Variants in S100A7A observed in about 807,000 individuals in gnomAD.
The protein encoded by S100A7A is protein S100-A7A.
Under a neutral mutation model 4.0 loss-of-function variants are expected in S100A7A, and 5 were observed. That is an observed-to-expected ratio of 1.26 (90% CI 0.66 to 2.66). The LOEUF is 2.66. Among genes scored for constraint, S100A7A ranks in the 30% most tolerant of loss-of-function variants. S100A7A has a pLI of 0.01. For missense variants in S100A7A, 159 were observed against 125.1 expected (o/e 1.27, Z -1.29); for synonymous variants, 52 against 46.4 (o/e 1.12, Z -0.49).
At chr1:153,418,503 C>A (rs1380773180) in intron 2 of S100A7A, among the ~76,000 whole-genome samples, 1 of 152,002 alleles carries the variant, frequency 6.6e-6, no homozygotes, top group Non-Finnish European at 1.5e-5. Flanking sequence ...GCTCACTGAC[C>A]CTCTCTCTGT....
In S100A7A at chr1:153,419,230, T is replaced by C; in HGVS notation, c.227T>C (p.Leu76Pro). The C allele has an allele frequency of 6.2e-7, 1 of 1,614,238 alleles. No homozygotes were observed. Among genetic ancestry groups the C allele is most frequent in the Non-Finnish European group, 8.5e-7 (1 of 1,180,050 alleles). Residue 76 changes from leucine to proline, a missense_variant, in exon 3 of 3, where the codon CTG (leucine) becomes CCG (proline). Transcript: ENST00000368729. ...EDKKIDFSEFLSLLGDIAADY... is the reference protein window; with the variant it reads ...EDKKIDFSEFPSLLGDIAADY... The stretch of plus-strand genomic sequence containing the variant: ...AAGAAGATTGATTTTTCTGAGTTTC[T>C]GTCCTTGCTGGGAGACATAGCCGCA...
At chr1:153,417,215 T>C (rs1402050621) in intron 1 of S100A7A, 1 of 152,284 alleles carries the variant, frequency 6.6e-6, no homozygotes, top group African/African-American at 2.4e-5. Context: ...CACTGTCTTA[T>C]TTTTCAGGCT....
Position 153,422,486 on chromosome 1 carries a change from AG to A in S100A7A, c.*3178del, listed in dbSNP as rs1227651219. ...GACATTATATTGGTACTAAAGAGAA[AG>A]AATACTTGACAGCTCTATGCCCACA... On this transcript the variant is annotated 3_prime_UTR_variant, in exon 3 of 3. Coordinates refer to ENST00000368729, the MANE Select transcript of S100A7A (RefSeq NM_176823.4). 1 of 982,494 alleles carries A rather than the reference AG, an allele frequency of 1.0e-6. No individual in the cohort carries two copies. Among genetic ancestry groups the A allele is most frequent in the East Asian group, 1.1e-4 (1 of 8,818 alleles). The allele number at this position is 982,494 out of a possible 1,614,324, so 60.9% of individuals were successfully genotyped here. A position where few individuals can be genotyped will look rare whatever the true frequency, so the allele number is the denominator to read the frequency against.
Position 153,422,593 on chromosome 1 carries a change from C to T in S100A7A, c.*3284C>T, listed in dbSNP as rs1662925172. 1.1e-6 allele frequency: 1 copy of T among 885,926 alleles called. No individual in the cohort carries two copies. Among genetic ancestry groups the T allele is most frequent in the African/African-American group, 1.8e-5 (1 of 55,010 alleles). The allele number at this position is 885,926 out of a possible 1,614,324, so 54.9% of individuals were successfully genotyped here. On this transcript the variant is annotated 3_prime_UTR_variant, in exon 3 of 3. Coordinates refer to ENST00000368729, the MANE Select transcript of S100A7A (RefSeq NM_176823.4). ...TTCTGATATCAAAACATTCCAATAA[C>T]TTTTTTTTTTCAGGCGCAGTCTCAC... is the stretch of plus-strand genomic sequence containing the variant.
Position 153,419,213 on chromosome 1 carries a change from T to A in S100A7A, c.210T>A (p.Ile70=). ...EKKDKNEDKK[I]DFSEFLSLLG... ...AGGACAAGAATGAGGATAAGAAGAT[T>A]GATTTTTCTGAGTTTCTGTCCTTGC... is the stretch of plus-strand genomic sequence containing the variant. Residue 70 remains isoleucine, a synonymous_variant, in exon 3 of 3, where the codon ATT becomes ATA. Transcript: ENST00000368729. 1 of 1,614,148 alleles carries A rather than the reference T, an allele frequency of 6.2e-7. No individual in the cohort carries two copies. Among genetic ancestry groups the A allele is most frequent in the Non-Finnish European group, 8.5e-7 (1 of 1,180,020 alleles).
Position 153,423,129 on chromosome 1 carries a change from A to G in S100A7A, c.*3820A>G, listed in dbSNP as rs1662940339. On this transcript the variant is annotated 3_prime_UTR_variant, in exon 3 of 3. Transcript: ENST00000368729. ...CAGTGCTCTCCTTTCTTTGGCCTTAATATTATTGGATTAAAGAATTACTGC... is the reference window on the plus strand; with the variant it reads ...CAGTGCTCTCCTTTCTTTGGCCTTAGTATTATTGGATTAAAGAATTACTGC... 6.6e-6 allele frequency: 1 copy of G among 152,130 alleles called. No individual in the cohort carries two copies. The allele number at this position is 152,130 out of a possible 1,614,324, so 9.4% of individuals were successfully genotyped here.
rs1662864610 is a variant in S100A7A, at chr1:153,420,292, C to G, written c.*983C>G. On this transcript the variant is annotated 3_prime_UTR_variant, in exon 3 of 3. Coordinates refer to ENST00000368729, the MANE Select transcript of S100A7A (RefSeq NM_176823.4). ...AGGACACAGTGCTGTCCTAGCAGTG[C>G]ACTGGCGGGTCTCTCCATGCAGGCC... The G allele has an allele frequency of 6.6e-6, 1 of 152,274 alleles. No homozygotes were observed. Among genetic ancestry groups the G allele is most frequent in the South Asian group, 2.1e-4 (1 of 4,824 alleles). The allele number at this position is 152,274 out of a possible 1,614,324, so 9.4% of individuals were successfully genotyped here.
chr1:153,419,764 C>T lies in S100A7A; in HGVS notation c.*455C>T, dbSNP rs142078220. ...CTCCTGCCCCAGCTGTTCTCCAGGG[C>T]TTGGGGAAACAGAAACCACTCACAT... On this transcript the variant is annotated 3_prime_UTR_variant, in exon 3 of 3. Coordinates refer to ENST00000368729, the MANE Select transcript of S100A7A (RefSeq NM_176823.4). 2.5e-3 allele frequency: 387 copies of T among 157,808 alleles called. 1 individual carries two copies. Among genetic ancestry groups the T allele is most frequent in the Admixed American group, 3.8e-3 (60 of 15,764 alleles). The allele number at this position is 157,808 out of a possible 1,614,324, so 9.8% of individuals were successfully genotyped here.
chr1:153,416,596 A>AAGTGCCC (rs1662723850), intron 1 of S100A7A, 33 bp downstream of exon 1: 2 of 462,672 alleles, frequency 4.3e-6, no homozygotes, highest in Non-Finnish European at 8.7e-6. Flanking sequence ...CATTTTCTAG[A>AAGTGCCC]AGTGCCCAGT....
At position 153,418,222 on chromosome 1, in the gene S100A7A, G is replaced by A; in HGVS notation, c.140G>A (p.Cys47Tyr). Reference protein sequence around the residue: ...KENFPNFLSACDKKGIHYLAT... With the variant: ...KENFPNFLSAYDKKGIHYLAT... The stretch of plus-strand genomic sequence containing the variant: ...AACTTCCCCAATTTCCTCAGTGCCT[G>A]TGTGAGTTGGGGTCTAGCTTCTCAA... Residue 47 changes from cysteine to tyrosine, a missense_variant and splice_region_variant, in exon 2 of 3, where the codon TGT becomes TAT. Cys to Tyr is a radical substitution (Grantham distance 194). Transcript: ENST00000368729. 6.2e-7 allele frequency: 1 copy of A among 1,613,986 alleles called. No homozygotes were observed.
chr1:153,420,056 A>C lies in S100A7A; in HGVS notation c.*747A>C, dbSNP rs534952493. The C allele has an allele frequency of 6.6e-6, 1 of 152,308 alleles. No individual in the cohort carries two copies. The highest frequency in any genetic ancestry group is 6.5e-5 in the Admixed American group (1 of 15,308). 9.4% of individuals were successfully genotyped at this position (152,308 alleles called of 1,614,324 possible). A position where few individuals can be genotyped will look rare whatever the true frequency, so the allele number is the denominator to read the frequency against. ...TGATGAATGAATATTCCAGATTTTGAGGAGCTCTAAGTGGTCCAGGAGTCC... is the reference window on the plus strand; with the variant it reads ...TGATGAATGAATATTCCAGATTTTGCGGAGCTCTAAGTGGTCCAGGAGTCC... On this transcript the variant is annotated 3_prime_UTR_variant, in exon 3 of 3. Coordinates refer to ENST00000368729, the MANE Select transcript of S100A7A (RefSeq NM_176823.4).
chr1:153,419,344 G>A lies in S100A7A; in HGVS notation c.*35G>A. 6.3e-7 allele frequency: 1 copy of A among 1,596,254 alleles called. No homozygotes were observed. Among genetic ancestry groups the A allele is most frequent in the Non-Finnish European group, 8.5e-7 (1 of 1,171,996 alleles). On this transcript the variant is annotated 3_prime_UTR_variant, in exon 3 of 3. Transcript: ENST00000368729. ...ACCAAGGGGCCTCCAGAGACCCCAG[G>A]AACAATAAGTGTCTCCTCCCACCAG... is the stretch of plus-strand genomic sequence containing the variant.
In S100A7A at chr1:153,421,581, T is replaced by G. The variant is rs761853031; in HGVS notation, c.*2272T>G. The G allele has an allele frequency of 3.3e-5, 5 of 152,228 alleles. No individual in the cohort carries two copies. The highest frequency in any genetic ancestry group is 5.9e-5 in the Non-Finnish European group (4 of 68,046). 9.4% of individuals were successfully genotyped at this position (152,228 alleles called of 1,614,324 possible). A position where few individuals can be genotyped will look rare whatever the true frequency, so the allele number is the denominator to read the frequency against. On this transcript the variant is annotated 3_prime_UTR_variant, in exon 3 of 3. Transcript: ENST00000368729. ...AACTTCCAGTCCTGGAGGCAGGTTG[T>G]GCAGCTTAGGGGAGGACCCCAGAAT...
chr1:153,417,932 AT>A (rs1377265705), intron 1 of S100A7A, 133 bp from the exon 2 acceptor site: 13 of 1,036,392 alleles, frequency 1.3e-5, no homozygotes, highest in African/African-American at 1.2e-4. Flanking sequence ...ATCCCATCAC[AT>A]TTAAAAAAAT....
In S100A7A at chr1:153,420,428, C is replaced by T. The variant is rs1662871058; in HGVS notation, c.*1119C>T. The T allele has an allele frequency of 6.6e-6, 1 of 152,248 alleles. No homozygotes were observed. The highest frequency in any genetic ancestry group is 1.5e-5 in the Non-Finnish European group (1 of 68,076). The allele number at this position is 152,248 out of a possible 1,614,324, so 9.4% of individuals were successfully genotyped here. The stretch of plus-strand genomic sequence containing the variant: ...TCATGTGTCCCTATCACTCTTACTA[C>T]TCTGGTCAGTCTCCAGCTAACCTCT... On this transcript the variant is annotated 3_prime_UTR_variant, in exon 3 of 3. Transcript: ENST00000368729.
Position 153,419,578 on chromosome 1 carries a change from A to C in S100A7A, c.*269A>C. ...TGTCTGCCTCTGCACCGTTCCCTAA[A>C]TGCAGCCACCTTGGCAGGTTCCAGG... On this transcript the variant is annotated 3_prime_UTR_variant, in exon 3 of 3. Coordinates refer to ENST00000368729, the MANE Select transcript of S100A7A (RefSeq NM_176823.4). 3.0e-5 allele frequency: 13 copies of C among 431,680 alleles called. No individual in the cohort carries two copies. Among genetic ancestry groups the C allele is most frequent in the East Asian group, 7.5e-5 (2 of 26,656 alleles). 26.7% of individuals were successfully genotyped at this position (431,680 alleles called of 1,614,324 possible). A position where few individuals can be genotyped will look rare whatever the true frequency, so the allele number is the denominator to read the frequency against.
chr1:153,418,345 T>G, intron 2 of S100A7A, 122 bp downstream of exon 2: 113 of 1,225,180 alleles, frequency 9.2e-5, no homozygotes, highest in Non-Finnish European at 1.2e-4. Flanking sequence ...CATTTGCAAA[T>G]AGGGCTTTAT....
chr1:153,418,220 C>T lies in S100A7A; in HGVS notation c.138C>T (p.Ala46=). Residue 46 remains alanine, a synonymous_variant, in exon 2 of 3, where the codon GCC becomes GCT. Coordinates refer to ENST00000368729, the MANE Select transcript of S100A7A (RefSeq NM_176823.4). The stretch of plus-strand genomic sequence containing the variant: ...AGAACTTCCCCAATTTCCTCAGTGC[C>T]TGTGTGAGTTGGGGTCTAGCTTCTC... ...MKENFPNFLS[A]CDKKGIHYLA... The T allele has an allele frequency of 6.2e-7, 1 of 1,613,968 alleles. No individual in the cohort carries two copies. The highest frequency in any genetic ancestry group is 1.1e-5 in the South Asian group (1 of 91,072).
At chr1:153,418,839 C>G (rs978244401) in intron 2 of S100A7A, among the ~76,000 whole-genome samples, 2 of 152,156 alleles carry the variant, frequency 1.3e-5, no homozygotes, top group African/African-American at 4.8e-5. Context: ...CCCTTAAATG[C>G]TGGGAACAGG....
Sources: allele counts gnomAD v4.1 joint callset (sites outside exome capture counted in the v4.1 genomes callset), GRCh38; gene constraint gnomAD v4.1.1; transcripts MANE v1.5; gene names NCBI Gene and HGNC (gene_info 2026-07-23, HGNC 2026-07-21).